Variants in DRC11 observed in about 807,000 individuals in gnomAD.
DRC11 encodes the protein dynein regulatory complex subunit 11, also known as IQ and AAA domain-containing protein 1.
chr2:236,330,191 AT>A, the DRC11 span, among the ~76,000 whole-genome samples: 3 of 151,716 alleles, frequency 2.0e-5, no homozygotes, highest in East Asian at 3.9e-4. The surrounding 1 kb of genome is among the most constrained non-coding windows in gnomAD (Gnocchi z 5.5). Context: ...CTAGAGTTAC[AT>A]TTTTTTTTCA....
At chr2:236,466,096 T>C in the DRC11 span, among the ~76,000 whole-genome samples, 1 of 152,186 alleles carries the variant, frequency 6.6e-6, no homozygotes, top group Non-Finnish European at 1.5e-5. Flanking sequence ...TTTCTTGTTT[T>C]TTTTTTCTTC....
the DRC11 span, among the ~76,000 whole-genome samples, chr2:236,462,564 G>A: frequency 2.6e-5 from 4 of 152,206 alleles, no homozygotes; most frequent in African/African-American, 9.6e-5. This position sits in a 1 kb window ranked among gnomAD's most constrained non-coding sequence, Gnocchi z 6.4. Context: ...CCAGCTACTC[G>A]GGAGGCTGAG....
chr2:236,495,545 A>G, the DRC11 span, among the ~76,000 whole-genome samples: 1 of 152,064 alleles, frequency 6.6e-6, no homozygotes, highest in African/African-American at 2.4e-5. This position sits in a 1 kb window ranked among gnomAD's most constrained non-coding sequence, Gnocchi z 5.6. Context: ...CCCACCATAT[A>G]TGTCTCTCTA....
the DRC11 span, among the ~76,000 whole-genome samples, chr2:236,494,333 T>C: frequency 6.6e-6 from 1 of 152,264 alleles, no homozygotes; most frequent in Non-Finnish European, 1.5e-5. This position sits in a 1 kb window ranked among gnomAD's most constrained non-coding sequence, Gnocchi z 4.2. Flanking sequence ...TCTAGTAATT[T>C]GGTTTTATTT....
At chr2:236,357,851 TAAA>T in the DRC11 span, among the ~76,000 whole-genome samples, 1 of 125,576 alleles carries the variant, frequency 8.0e-6, no homozygotes, top group Non-Finnish European at 1.5e-5. Context: ...ATGTAATATA[TAAA>T]TATATACTAT....
the DRC11 span, among the ~76,000 whole-genome samples, chr2:236,505,538 T>C: frequency 6.6e-6 from 1 of 152,066 alleles, no homozygotes; most frequent in Non-Finnish European, 1.5e-5. Context: ...TTCTCTTCAC[T>C]GCACCTCCAG....
At chr2:236,479,004 T>A in the DRC11 span, among the ~76,000 whole-genome samples, 2 of 152,116 alleles carry the variant, frequency 1.3e-5, no homozygotes, top group African/African-American at 4.8e-5. The surrounding 1 kb of genome is among the most constrained non-coding windows in gnomAD (Gnocchi z 4.1). Flanking sequence ...TTTGTATTTT[T>A]AGTAGAGGCG....
chr2:236,424,922 C>G, the DRC11 span, among the ~76,000 whole-genome samples: 1 of 151,946 alleles, frequency 6.6e-6, no homozygotes, highest in African/African-American at 2.4e-5. Flanking sequence ...ATTTGTCTTT[C>G]TGTGCCTGGC....
chr2:236,474,319 A>G, the DRC11 span, among the ~76,000 whole-genome samples: 3 of 152,202 alleles, frequency 2.0e-5, no homozygotes, highest in East Asian at 5.8e-4. Context: ...AACTTCATTC[A>G]TTTGAGCTGA....
chr2:236,500,420 T>C, the DRC11 span, among the ~76,000 whole-genome samples: 1 of 151,978 alleles, frequency 6.6e-6, no homozygotes, highest in African/African-American at 2.4e-5. This position sits in a 1 kb window ranked among gnomAD's most constrained non-coding sequence, Gnocchi z 6.3. Flanking sequence ...CAGAGGTAAT[T>C]ACATCACAAG....
At chr2:236,459,520 T>TGTATACATGTATACGTATACGTATAC in the DRC11 span, among the ~76,000 whole-genome samples, 142 of 113,984 alleles carry the variant, frequency 1.2e-3, no homozygotes, top group Non-Finnish European at 2.1e-3. Context: ...TACGTATACA[T>TGTATACATGTATACGTATACGTATAC]GTATACATGT....
the DRC11 span, chr2:236,380,562 T>G: frequency 1.3e-6 from 2 of 1,550,564 alleles, no homozygotes; most frequent in South Asian, 2.4e-5. The surrounding 1 kb of genome is among the most constrained non-coding windows in gnomAD (Gnocchi z 4.9). Context: ...ACGAGTCCAT[T>G]CCTCACCTGT....
At chr2:236,377,070 GACACAT>G in the DRC11 span, 3 of 1,314,992 alleles carry the variant, frequency 2.3e-6, no homozygotes, top group African/African-American at 4.4e-5. The surrounding 1 kb of genome is among the most constrained non-coding windows in gnomAD (Gnocchi z 4.9). Flanking sequence ...GGTGACACGT[GACACAT>G]ACATGTATTA....
chr2:236,317,299 GAA>G, the DRC11 span, among the ~76,000 whole-genome samples: 29 of 139,934 alleles, frequency 2.1e-4, no homozygotes, highest in African/African-American at 6.3e-4. The surrounding 1 kb of genome is among the most constrained non-coding windows in gnomAD (Gnocchi z 5.4). Context: ...CATATCGGGG[GAA>G]AAAAAAAAAA....
chr2:236,470,875 T>TA, the DRC11 span, among the ~76,000 whole-genome samples: 2 of 152,162 alleles, frequency 1.3e-5, no homozygotes, highest in Admixed American at 6.5e-5. This position sits in a 1 kb window ranked among gnomAD's most constrained non-coding sequence, Gnocchi z 5.1. Context: ...GCCTAATTTC[T>TA]AAAAAAAATT....
At chr2:236,489,468 G>A in the DRC11 span, among the ~76,000 whole-genome samples, 2 of 152,118 alleles carry the variant, frequency 1.3e-5, no homozygotes, top group South Asian at 2.1e-4. Flanking sequence ...TGTGGGCTCC[G>A]GGTGCAGCTG....
the DRC11 span, among the ~76,000 whole-genome samples, chr2:236,315,800 G>A: frequency 6.6e-6 from 1 of 152,114 alleles, no homozygotes; most frequent in African/African-American, 2.4e-5. This position sits in a 1 kb window ranked among gnomAD's most constrained non-coding sequence, Gnocchi z 5.1. Context: ...GCTGAACAAT[G>A]AGAACGTGGA....
At chr2:236,353,831 C>T in the DRC11 span, among the ~76,000 whole-genome samples, 1 of 151,676 alleles carries the variant, frequency 6.6e-6, no homozygotes, top group Non-Finnish European at 1.5e-5. The surrounding 1 kb of genome is among the most constrained non-coding windows in gnomAD (Gnocchi z 5.0). Flanking sequence ...GGGCGTAAGG[C>T]TTATTTGCAG....
chr2:236,395,131 G>A, the DRC11 span, among the ~76,000 whole-genome samples: 1 of 152,168 alleles, frequency 6.6e-6, no homozygotes, highest in East Asian at 1.9e-4. Flanking sequence ...GCACAGCGCT[G>A]GGGGTGGGAA....
Sources: allele counts gnomAD v4.1 joint callset (sites outside exome capture counted in the v4.1 genomes callset), GRCh38; gene constraint gnomAD v4.1.1; non-coding constraint Gnocchi (gnomAD v3.1); transcripts MANE v1.5; gene names NCBI Gene and HGNC (gene_info 2026-07-23, HGNC 2026-07-21).